Variants in KIAA1549 observed in about 807,000 individuals in gnomAD.
KIAA1549 encodes the protein KIAA1549.
Under a neutral mutation model 156.4 loss-of-function variants are expected in KIAA1549, and 70 were observed. The observed-to-expected ratio is 0.45, with a 90% CI of 0.37 to 0.55. The LOEUF (loss-of-function observed/expected upper bound fraction) is 0.55, where lower values mean the gene tolerates loss of function less well. Ranked by LOEUF, KIAA1549 falls within the 20% of genes least tolerant of loss-of-function variation. The pLI is 0.00. For missense variants in KIAA1549, 2,428 were observed against 2,540.9 expected (o/e 0.96, Z 0.96); for synonymous variants, 1,103 against 1,066.4 (o/e 1.03, Z -0.67).
chr7:138,896,593 T>G (rs982612473), intron 9 of KIAA1549, among the ~76,000 whole-genome samples: 1 of 150,880 alleles, frequency 6.6e-6, no homozygotes, highest in Non-Finnish European at 1.5e-5. Context: ...TGGGTGTGGT[T>G]GTTTTTTTTT....
chr7:138,946,902 C>T (rs747959351), intron 1 of KIAA1549, among the ~76,000 whole-genome samples: 54 of 152,322 alleles, frequency 3.5e-4, no homozygotes, highest in Non-Finnish European at 6.6e-4. Flanking sequence ...CAACTGAGAA[C>T]CCTCTGAGAC....
chr7:138,869,442 G>A, intron 14 of KIAA1549, 96 bp downstream of exon 14: 1 of 933,786 alleles, frequency 1.1e-6, no homozygotes, highest in Non-Finnish European at 1.6e-6. Flanking sequence ...TCTGTCACAG[G>A]CCCTGCAGTA....
At chr7:138,897,530 C>T (rs1317667459) in intron 9 of KIAA1549, among the ~76,000 whole-genome samples, 1 of 152,194 alleles carries the variant, frequency 6.6e-6, no homozygotes, top group Non-Finnish European at 1.5e-5. Context: ...ACATTTACCT[C>T]TCCTTTTATT....
intron 10 of KIAA1549, among the ~76,000 whole-genome samples, chr7:138,883,231 C>T (rs1381148322): frequency 6.7e-6 from 1 of 149,256 alleles, no homozygotes; most frequent in Non-Finnish European, 1.5e-5. Context: ...TGAGATCGCG[C>T]CACTGCACTC....
At position 138,833,809 on chromosome 7, in the gene KIAA1549, C is replaced by T. The variant is rs1239603022; in HGVS notation, c.*4097G>A. The stretch of plus-strand genomic sequence containing the variant: ...TTTCGTCCTCTTCCCTTGCCTCCCC[C>T]ACACTGGAGTACTTCCTCTGTAGAT... On this transcript the variant is annotated 3_prime_UTR_variant, in exon 20 of 20. Transcript: ENST00000422774. 3.0e-5 allele frequency: 7 copies of T among 233,240 alleles called. No individual in the cohort carries two copies. Among genetic ancestry groups the T allele is most frequent in the African/African-American group, 8.8e-5 (4 of 45,350 alleles). 14.4% of individuals were successfully genotyped at this position (233,240 alleles called of 1,614,324 possible).
Position 138,918,183 on chromosome 7 carries a change from A to C in KIAA1549, c.1443T>G (p.Phe481Leu). The change falls in exon 2 of 20, where the codon TTT (phenylalanine) becomes TTG (leucine). Residue 481 changes from phenylalanine (F) to leucine (L), a missense_variant. Transcript: ENST00000422774. The surrounding 1 kb of genome is among the most constrained non-coding windows in gnomAD (Gnocchi z 4.2). Reference protein sequence around the residue: ...FSEFEEDPQVFNTLFPSRPIV... With the variant: ...FSEFEEDPQVLNTLFPSRPIV... ...TAGGTCTGGAGGGGAAAAGCGTATT[A>C]AATACTTGAGGATCTTCCTCAAATT... 1 of 1,614,022 alleles carries C rather than the reference A, an allele frequency of 6.2e-7. No individual in the cohort carries two copies. Among genetic ancestry groups the C allele is most frequent in the South Asian group, 1.1e-5 (1 of 91,076 alleles).
Position 138,835,326 on chromosome 7 carries a change from C to A in KIAA1549, c.*2580G>T, listed in dbSNP as rs1809676524. ...AGAGGGCTGGTGATCCGGGGGCCTG[C>A]TCACACCACACCATAACCACCGGCT... On this transcript the variant is annotated 3_prime_UTR_variant, in exon 20 of 20. Coordinates refer to ENST00000422774, the MANE Select transcript of KIAA1549 (RefSeq NM_001164665.2). The A allele has an allele frequency of 4.6e-6, 1 of 215,206 alleles. No individual in the cohort carries two copies. The highest frequency in any genetic ancestry group is 5.8e-5 in the Admixed American group (1 of 17,160). 13.3% of individuals were successfully genotyped at this position (215,206 alleles called of 1,614,324 possible).
chr7:138,937,139 AC>A (rs1341429014), intron 1 of KIAA1549, among the ~76,000 whole-genome samples: 1 of 151,798 alleles, frequency 6.6e-6, no homozygotes, highest in Non-Finnish European at 1.5e-5. Flanking sequence ...CTCCCCTACA[AC>A]CAGCCCATGC....
intron 18 of KIAA1549, among the ~76,000 whole-genome samples, chr7:138,843,359 T>C (rs549090688): frequency 6.6e-6 from 1 of 152,208 alleles, no homozygotes; most frequent in Non-Finnish European, 1.5e-5. Flanking sequence ...TCTTTTCAGG[T>C]TGGCCCACTT....
At chr7:138,903,539 C>T (rs1291706894) in intron 8 of KIAA1549, 49 bp downstream of exon 8, 4 of 1,586,332 alleles carry the variant, frequency 2.5e-6, no homozygotes, top group African/African-American at 1.3e-5. Context: ...CACGCAAGCG[C>T]TGTCTCTCTC....
Position 138,833,996 on chromosome 7 carries a change from C to T in KIAA1549, c.*3910G>A, listed in dbSNP as rs1034039837. 4.3e-6 allele frequency: 1 copy of T among 230,754 alleles called. No individual in the cohort carries two copies. Among genetic ancestry groups the T allele is most frequent in the African/African-American group, 2.2e-5 (1 of 45,220 alleles). The allele number at this position is 230,754 out of a possible 1,614,324, so 14.3% of individuals were successfully genotyped here. ...CATTTCAGTGACAGCTTCACTCCTTCCCTACAGCCTTTCCCAGGCCCACTC... is the reference window on the plus strand; with the variant it reads ...CATTTCAGTGACAGCTTCACTCCTTTCCTACAGCCTTTCCCAGGCCCACTC... On this transcript the variant is annotated 3_prime_UTR_variant, in exon 20 of 20. Transcript: ENST00000422774.
At chr7:138,890,863 C>T (rs1174169107) in intron 10 of KIAA1549, among the ~76,000 whole-genome samples, 2 of 152,240 alleles carry the variant, frequency 1.3e-5, no homozygotes, top group African/African-American at 4.8e-5. Flanking sequence ...TTTGCAATCC[C>T]TTCTATGTCC....
intron 1 of KIAA1549, among the ~76,000 whole-genome samples, chr7:138,921,805 C>T (rs1267587200): frequency 1.3e-5 from 2 of 152,088 alleles, no homozygotes; most frequent in South Asian, 2.1e-4. Context: ...GCGGAGGGTT[C>T]AGAGAGCCGT....
intron 1 of KIAA1549, among the ~76,000 whole-genome samples, chr7:138,928,914 A>G (rs1259589569): frequency 2.0e-5 from 3 of 152,194 alleles, no homozygotes; most frequent in African/African-American, 7.2e-5. Flanking sequence ...TAAAAAATAC[A>G]TTAAAAAAAA....
At chr7:138,950,625 G>A (rs967190924) in intron 1 of KIAA1549, among the ~76,000 whole-genome samples, 7 of 152,178 alleles carry the variant, frequency 4.6e-5, no homozygotes, top group African/African-American at 9.7e-5. Flanking sequence ...ACATAAGTTC[G>A]GTTTGCTGCA....
rs1283915184 is a variant in KIAA1549 at position 138,910,396 on chromosome 7, T to TA, written c.3145+749_3145+750insT. Among the ~76,000 whole-genome samples the TA allele has an allele frequency of 3.8e-5, 4 of 105,004 alleles. No individual in the cohort carries two copies. The Admixed American group carries it at 4.9e-4, about 13-fold the overall frequency. The allele number at this position is 105,004 out of a possible 152,430, so 68.9% of individuals were successfully genotyped here. ...CTACAAAACATAATGTTTCTTAAAT[T>TA]CTTTTTTTTTTTTTTTTTTGAGATA... On this transcript the variant is annotated intron_variant, in intron 4 of 19. Coordinates refer to ENST00000422774, the MANE Select transcript of KIAA1549 (RefSeq NM_001164665.2).
At chr7:138,970,631 G>A (rs1374180106) in intron 1 of KIAA1549, among the ~76,000 whole-genome samples, 1 of 152,172 alleles carries the variant, frequency 6.6e-6, no homozygotes, top group Non-Finnish European at 1.5e-5. Context: ...GGCCCGGGGT[G>A]GGGTCCGACC....
intron 16 of KIAA1549, among the ~76,000 whole-genome samples, chr7:138,858,275 T>A: frequency 6.6e-6 from 1 of 152,036 alleles, no homozygotes; most frequent in East Asian, 1.9e-4. Context: ...TTTATATTTT[T>A]TGTAGAGACA....
At position 138,922,093 on chromosome 7, in the gene KIAA1549, G is replaced by A. The variant is rs61372345; in HGVS notation, c.188-2655C>T. ...AACTTGGACTTCTAGCCTCCAGAAC[G>A]GTGAGACAATCAATTTCTGCTGTTT... On this transcript the variant is annotated intron_variant, in intron 1 of 19. Transcript: ENST00000422774. Among the ~76,000 whole-genome samples, 1,004 of 152,274 alleles carry A rather than the reference G, an allele frequency of 6.6e-3. 16 individuals are homozygous for A. The highest frequency in any genetic ancestry group is 0.022 in the African/African-American group (926 of 41,542).
Sources: allele counts gnomAD v4.1 joint callset (sites outside exome capture counted in the v4.1 genomes callset), GRCh38; gene constraint gnomAD v4.1.1; non-coding constraint Gnocchi (gnomAD v3.1); transcripts MANE v1.5; gene names NCBI Gene and HGNC (gene_info 2026-07-23, HGNC 2026-07-21).